The following AGAP1 variants were observed in gnomAD, a reference collection of about 807,000 sequenced individuals.
AGAP1 encodes arf-GAP with GTPase, ANK repeat and PH domain-containing protein 1.
In AGAP1, 29 loss-of-function variants were observed where a neutral mutation model predicts 105.3. The ratio of observed to expected loss-of-function variants is 0.28; its 90% CI spans 0.21 to 0.38. AGAP1 has a LOEUF of 0.38. Among genes scored for constraint, AGAP1 ranks in the 10% least tolerant of loss-of-function variants. The pLI, the probability that AGAP1 is intolerant of heterozygous loss-of-function variation, is 1.00. For missense variants in AGAP1, 998 were observed against 1,165.1 expected, an observed-to-expected ratio of 0.86 and a Z score of 2.09; for synonymous variants, 509 against 485.9, an observed-to-expected ratio of 1.05 and a Z score of -0.63.
rs1280119857 is a variant in AGAP1, at chr2:236,109,670, G to C, written c.2115-10522G>C. Among the ~76,000 whole-genome samples, 1 of 152,244 alleles carries C rather than the reference G, an allele frequency of 6.6e-6. No homozygotes were observed. The highest frequency in any genetic ancestry group is 1.9e-4 in the East Asian group (1 of 5,188). ...AACGTCCTAGTCGGCGGCAGCGTCGGTGCTCTGGACCGGCAGCCGTGGAAA... is the reference window on the plus strand; with the variant it reads ...AACGTCCTAGTCGGCGGCAGCGTCGCTGCTCTGGACCGGCAGCCGTGGAAA... On this transcript the variant is annotated intron_variant, in intron 16 of 17. Transcript: ENST00000304032. This position sits in a 1 kb window ranked among gnomAD's most constrained non-coding sequence, Gnocchi z 5.4.
intron 1 of AGAP1, among the ~76,000 whole-genome samples, chr2:235,693,484 A>G (rs1232586298): frequency 6.6e-6 from 1 of 152,198 alleles, no homozygotes; most frequent in Non-Finnish European, 1.5e-5. Context: ...GCAGCCAGGT[A>G]CTGAAGGCTT....
intron 13 of AGAP1, among the ~76,000 whole-genome samples, chr2:235,978,898 C>G (rs2054970011): frequency 1.3e-5 from 2 of 152,008 alleles, no homozygotes; most frequent in Non-Finnish European, 2.9e-5. Flanking sequence ...CATGCACACT[C>G]TGATACGTTT....
At position 235,893,953 on chromosome 2, in the gene AGAP1, C is replaced by G. The variant is rs1169045001; in HGVS notation, c.1155+10504C>G. On this transcript the variant is annotated intron_variant, in intron 10 of 17. Transcript: ENST00000304032. The surrounding 1 kb of genome is among the most constrained non-coding windows in gnomAD (Gnocchi z 4.7). ...TGTCTTACAACATGACCTCCCTAAA[C>G]TGACATAGGGTTGGGTGAACACACA... Among the ~76,000 whole-genome samples the G allele has an allele frequency of 2.6e-5, 4 of 152,276 alleles. No homozygotes were observed. In the East Asian group the frequency reaches 7.7e-4, roughly 29 times the overall value.
chr2:235,814,216 T>C (rs375952056), intron 9 of AGAP1, among the ~76,000 whole-genome samples: 11 of 152,358 alleles, frequency 7.2e-5, no homozygotes, highest in African/African-American at 2.6e-4. Context: ...GGCGGAGCTC[T>C]TGCCAGGGAG....
chr2:235,783,712 G>A (rs765683435), intron 6 of AGAP1, among the ~76,000 whole-genome samples: 2 of 151,874 alleles, frequency 1.3e-5, no homozygotes, highest in Non-Finnish European at 2.9e-5. Context: ...TGGTTGCCAG[G>A]AAGTGAGAAG....
At chr2:235,531,176 T>TA (rs1943032751) in intron 1 of AGAP1, among the ~76,000 whole-genome samples, 1 of 152,224 alleles carries the variant, frequency 6.6e-6, no homozygotes, top group South Asian at 2.1e-4. Flanking sequence ...GGTCCAGTGA[T>TA]ACCTCTGGGC....
Position 235,828,024 on chromosome 2 carries a change from G to A in AGAP1, c.1050+20693G>A, listed in dbSNP as rs192551322. ...GGGTCCTGACGGTGCAGTAGGGGCT[G>A]CATTTTGACAGACTTACAACAAGTA... On this transcript the variant is annotated intron_variant, in intron 9 of 17. Coordinates refer to ENST00000304032, the MANE Select transcript of AGAP1 (RefSeq NM_001037131.3). 1.7e-3 allele frequency among the ~76,000 whole-genome samples: 266 copies of A among 152,334 alleles called. 1 individual carries two copies. Among genetic ancestry groups the A allele is most frequent in the East Asian group, 0.016 (84 of 5,174 alleles).
chr2:235,703,102 AT>A (rs2149484955), intron 1 of AGAP1, among the ~76,000 whole-genome samples: 1 of 151,354 alleles, frequency 6.6e-6, no homozygotes, highest in South Asian at 2.1e-4. Flanking sequence ...TAGTTTTTAT[AT>A]TTTTAGTGGA....
At position 235,721,799 on chromosome 2, in the gene AGAP1, G is replaced by A. The variant is rs1338736131; in HGVS notation, c.310+4155G>A. 6.6e-6 allele frequency among the ~76,000 whole-genome samples: 1 copy of A among 152,178 alleles called. No individual in the cohort carries two copies. The highest frequency in any genetic ancestry group is 6.5e-5 in the Admixed American group (1 of 15,280). ...TGGTGAGGGCCTTCCTGTCTTCAGG[G>A]GAGAGCTCTCTTGTGGTAGAAACAT... On this transcript the variant is annotated intron_variant, in intron 3 of 17. Coordinates refer to ENST00000304032, the MANE Select transcript of AGAP1 (RefSeq NM_001037131.3). This position sits in a 1 kb window ranked among gnomAD's most constrained non-coding sequence, Gnocchi z 4.5.
chr2:235,562,673 G>C (rs1944197461), intron 1 of AGAP1, among the ~76,000 whole-genome samples: 1 of 152,224 alleles, frequency 6.6e-6, no homozygotes, highest in Non-Finnish European at 1.5e-5. Context: ...GGCCCCTGGA[G>C]CCAGACAGCT....
At position 235,633,777 on chromosome 2, in the gene AGAP1, A is replaced by G. The variant is rs1413258975; in HGVS notation, c.164-75402A>G. 1.3e-5 allele frequency among the ~76,000 whole-genome samples: 2 copies of G among 152,162 alleles called. No homozygotes were observed. Among genetic ancestry groups the G allele is most frequent in the Non-Finnish European group, 2.9e-5 (2 of 68,030 alleles). ...TTACCTAAAAAGATGGGGGAAGGTT[A>G]CAGTAATATTTTTAGGCTTATGGCT... On this transcript the variant is annotated intron_variant, in intron 1 of 17. Transcript: ENST00000304032. This position sits in a 1 kb window ranked among gnomAD's most constrained non-coding sequence, Gnocchi z 4.8.
chr2:235,656,251 G>A (rs1947767167), intron 1 of AGAP1, among the ~76,000 whole-genome samples: 1 of 152,148 alleles, frequency 6.6e-6, no homozygotes, highest in South Asian at 2.1e-4. Context: ...TGCAGGGCAG[G>A]CATTGTTTGC....
At chr2:235,618,259 A>G (rs1946369801) in intron 1 of AGAP1, among the ~76,000 whole-genome samples, 1 of 152,160 alleles carries the variant, frequency 6.6e-6, no homozygotes, top group Non-Finnish European at 1.5e-5. Flanking sequence ...TTTCTGTGTT[A>G]TCATTACTAA....
chr2:235,923,278 G>A (rs537618628), intron 11 of AGAP1, among the ~76,000 whole-genome samples: 11 of 152,156 alleles, frequency 7.2e-5, no homozygotes, highest in Non-Finnish European at 1.5e-4. Context: ...CTTATTGCTG[G>A]TACAGCTGTT....
chr2:236,106,756 G>T (rs2059506528), intron 16 of AGAP1, among the ~76,000 whole-genome samples: 1 of 152,178 alleles, frequency 6.6e-6, no homozygotes, highest in African/African-American at 2.4e-5. Flanking sequence ...GATGGGGTCT[G>T]CAGGTCTCGC....
rs546936931 is a variant in AGAP1 at position 235,656,663 on chromosome 2, G to A, written c.164-52516G>A. The stretch of plus-strand genomic sequence containing the variant: ...CAACAGGGGAACGACACAGCAGCAG[G>A]GGCCACGTGAGTCAGGGATAAGAAC... On this transcript the variant is annotated intron_variant, in intron 1 of 17. Transcript: ENST00000304032. Among the ~76,000 whole-genome samples, 4 of 152,224 alleles carry A rather than the reference G, an allele frequency of 2.6e-5. No homozygotes were observed. The South Asian group carries it at 6.2e-4, about 24-fold the overall frequency.
At chr2:235,521,183 T>G (rs146573232) in intron 1 of AGAP1, among the ~76,000 whole-genome samples, 1 of 152,334 alleles carries the variant, frequency 6.6e-6, no homozygotes, top group East Asian at 1.9e-4. Flanking sequence ...TTTTCCTCTT[T>G]AGGGTGTATC....
chr2:235,526,666 A>G (rs372081643), intron 1 of AGAP1, among the ~76,000 whole-genome samples: 510 of 39,940 alleles, frequency 0.013, 5 homozygotes, highest in African/African-American at 0.094. Flanking sequence ...GAACTTTACA[A>G]AATTATTGTG....
In AGAP1 at chr2:235,761,833, C is replaced by T. The variant is rs180675051; in HGVS notation, c.673+11345C>T. Among the ~76,000 whole-genome samples the T allele has an allele frequency of 8.9e-4, 135 of 151,926 alleles. 1 individual carries two copies. Among genetic ancestry groups the T allele is most frequent in the African/African-American group, 1.1e-3 (44 of 41,414 alleles). On this transcript the variant is annotated intron_variant, in intron 6 of 17. Coordinates refer to ENST00000304032, the MANE Select transcript of AGAP1 (RefSeq NM_001037131.3). ...TTAGGGAATATGGACATAGGCCGGG[C>T]GCACAGTGGCTCATGCCTGTAATCC... is the stretch of plus-strand genomic sequence containing the variant.
Sources: allele counts gnomAD v4.1 joint callset (sites outside exome capture counted in the v4.1 genomes callset), GRCh38; gene constraint gnomAD v4.1.1; non-coding constraint Gnocchi (gnomAD v3.1); transcripts MANE v1.5; gene names NCBI Gene and HGNC (gene_info 2026-07-23, HGNC 2026-07-21).